The following ADAMTS16 variants were observed in gnomAD, a reference collection of about 807,000 sequenced individuals.
The protein encoded by ADAMTS16 is ADAM metallopeptidase with thrombospondin type 1 motif 16.
Under a neutral mutation model 145.8 loss-of-function variants are expected in ADAMTS16, and 94 were observed. That is an observed-to-expected ratio of 0.64 (90% CI 0.55 to 0.77). The LOEUF (loss-of-function observed/expected upper bound fraction) is 0.77. Ranked by LOEUF, ADAMTS16 falls within the 30% of genes least tolerant of loss-of-function variation. ADAMTS16 has a pLI of 0.00. For missense variants in ADAMTS16, 1,585 were observed against 1,591.5 expected, an observed-to-expected ratio of 1.00 and a Z score of 0.07; for synonymous variants, 659 against 604.3, an observed-to-expected ratio of 1.09 and a Z score of -1.33.
chr5:5,178,181 C>T (rs1178054463), intron 3 of ADAMTS16, among the ~76,000 whole-genome samples: 2 of 152,164 alleles, frequency 1.3e-5, no homozygotes, highest in African/African-American at 4.8e-5. Flanking sequence ...AACACATATT[C>T]GTTCGTTTCT....
chr5:5,182,102 T>G lies in ADAMTS16; in HGVS notation c.560T>G (p.Leu187Arg). 2 of 1,614,000 alleles carry G rather than the reference T, an allele frequency of 1.2e-6. No individual in the cohort carries two copies. The highest frequency in any genetic ancestry group is 1.7e-6 in the Non-Finnish European group (2 of 1,180,006). Reference sequence around the variant, plus strand: ...TTCCTAAGGCCACTTCCTTCACACCTCTCATGGAAACTCGGCAGAGCTGCC... The same window carrying G: ...TTCCTAAGGCCACTTCCTTCACACCGCTCATGGAAACTCGGCAGAGCTGCC... ...DYFLRPLPSH[L>R]SWKLGRAAQG... The change falls in exon 4 of 23, where the codon CTC becomes CGC. Residue 187 changes from leucine (L) to arginine (R), a missense_variant. Transcript: ENST00000274181.
intron 2 of ADAMTS16, among the ~76,000 whole-genome samples, chr5:5,141,820 CAGAT>C (rs1238714831): frequency 6.6e-6 from 1 of 152,088 alleles, no homozygotes; most frequent in East Asian, 1.9e-4. Context: ...TGACCGGTGT[CAGAT>C]TGACGCTCAC....
At chr5:5,178,036 G>A (rs1735245708) in intron 3 of ADAMTS16, among the ~76,000 whole-genome samples, 1 of 152,174 alleles carries the variant, frequency 6.6e-6, no homozygotes, top group African/African-American at 2.4e-5. Flanking sequence ...AATCTCAGCA[G>A]ATCCCAATTA....
chr5:5,311,739 T>C (rs1460419854), intron 21 of ADAMTS16, among the ~76,000 whole-genome samples: 1 of 147,136 alleles, frequency 6.8e-6, no homozygotes, highest in Admixed American at 6.8e-5. Context: ...TTTTTGGTTG[T>C]TTTTTTTTTG....
chr5:5,242,232 G>C, intron 17 of ADAMTS16, 41 bp downstream of exon 17: 1 of 1,607,534 alleles, frequency 6.2e-7, no homozygotes, highest in Non-Finnish European at 8.5e-7. Flanking sequence ...CAGCATGTCA[G>C]CCTTCAGCCA....
Position 5,282,637 on chromosome 5 carries a change from T to C in ADAMTS16, c.2789+19854T>C, listed in dbSNP as rs556139563. Among the ~76,000 whole-genome samples the C allele has an allele frequency of 3.3e-5, 5 of 152,342 alleles. No homozygotes were observed. The East Asian group carries it at 5.8e-4, about 18-fold the overall frequency. ...GGGAAAGCCCACCTCTCAACACTTG[T>C]CTTTCTTAGAAGGTTTAGGGCTCTT... On this transcript the variant is annotated intron_variant, in intron 18 of 22. Coordinates refer to ENST00000274181, the MANE Select transcript of ADAMTS16 (RefSeq NM_139056.4).
In ADAMTS16 at chr5:5,146,334, C is replaced by T. The variant is rs558198391; in HGVS notation, c.380C>T (p.Thr127Met). The stretch of plus-strand genomic sequence containing the variant: ...GTGGCTCCTGGCTTTATTGTGCAGA[C>T]GTTGGGAAAGACAGGCACTAAGTCT... The part of the protein sequence containing the change: ...SLVAPGFIVQ[T>M]LGKTGTKSVQ... The change falls in exon 3 of 23, where the codon ACG (threonine) becomes ATG (methionine). Residue 127 changes from threonine (T) to methionine (M), a missense_variant. Physicochemically the swap from Thr to Met is moderately conservative, Grantham distance 81. Around this residue, in one of 3 missense-constraint regions of ADAMTS16, gnomAD observed 453 missense variants for 412.1 expected, o/e 1.10. Transcript: ENST00000274181. 7 of 1,614,142 alleles carry T rather than the reference C, an allele frequency of 4.3e-6. No individual in the cohort carries two copies. The African/African-American group carries it at 8.0e-5, about 18-fold the overall frequency.
chr5:5,283,270 G>A (rs1435030515), intron 18 of ADAMTS16, among the ~76,000 whole-genome samples: 1 of 152,066 alleles, frequency 6.6e-6, no homozygotes, highest in Non-Finnish European at 1.5e-5. Flanking sequence ...ATATTACATT[G>A]TAATTTTTTA....
At chr5:5,186,334 G>C (rs968194816) in intron 5 of ADAMTS16, 83 bp downstream of exon 5, 1 of 1,200,780 alleles carries the variant, frequency 8.3e-7, no homozygotes, top group Admixed American at 2.0e-5. Context: ...GTGTGTGTGT[G>C]TTTCCATTTT....
In ADAMTS16 at chr5:5,146,306, C is replaced by G. The variant is rs1734295676; in HGVS notation, c.352C>G (p.Leu118Val). 4 of 1,614,180 alleles carry G rather than the reference C, an allele frequency of 2.5e-6. No homozygotes were observed. The highest frequency in any genetic ancestry group is 3.4e-6 in the Non-Finnish European group (4 of 1,180,038). ...FHMDLRTSSS[L>V]VAPGFIVQTL... ...CATGGATCTGAGGACTTCCAGCAGC[C>G]TAGTGGCTCCTGGCTTTATTGTGCA... is the stretch of plus-strand genomic sequence containing the variant. The change falls in exon 3 of 23, where the codon CTA (leucine) becomes GTA (valine). Residue 118 changes from leucine (L) to valine (V), a missense_variant. Physicochemically the swap from Leu to Val is conservative, Grantham distance 32. This residue lies in a region of ADAMTS16 where 453 missense variants were observed against 412.1 expected (regional missense o/e 1.10). Transcript: ENST00000274181.
At position 5,180,113 on chromosome 5, in the gene ADAMTS16, C is replaced by T. The variant is rs1438423718; in HGVS notation, c.502-1931C>T. Among the ~76,000 whole-genome samples, 4 of 152,094 alleles carry T rather than the reference C, an allele frequency of 2.6e-5. No homozygotes were observed. The East Asian group carries it at 7.7e-4, about 29-fold the overall frequency. On this transcript the variant is annotated intron_variant, in intron 3 of 22. Transcript: ENST00000274181. The stretch of plus-strand genomic sequence containing the variant: ...GGACATTAATGTGAGCGAACTCTCC[C>T]CGCAACTCCCAAGTAAGAATCAGAC...
rs770821021 is a variant in ADAMTS16 at position 5,222,882 on chromosome 5, A to G, written c.1699A>G (p.Met567Val). Residue 567 changes from methionine (M) to valine (V), a missense_variant and splice_region_variant, in exon 11 of 23, where the codon ATG becomes GTG. By Grantham distance (21) the Met-to-Val change is conservative. This residue lies in a region of ADAMTS16 where 298 missense variants were observed against 367.6 expected (regional missense o/e 0.81). Transcript: ENST00000274181. ...AAEGTICGHD[M>V]WCRGGQCVKY... ...AGAAGGCACAATTTGTGGGCATGAC[A>G]TGGTAAGAAGCTAACTGTAGGTACA... The G allele has an allele frequency of 1.3e-5, 21 of 1,613,982 alleles. No individual in the cohort carries two copies. The highest frequency in any genetic ancestry group is 1.1e-4 in the South Asian group (10 of 91,090).
rs867679421 is a variant in ADAMTS16, at chr5:5,165,922, C to T, written c.502-16122C>T. Reference sequence around the variant, plus strand: ...TGCCAGTGTGGCCGCCTCCTCTGCCCTTACTCAGGCAATAGCTATCCTGAA... The same window carrying T: ...TGCCAGTGTGGCCGCCTCCTCTGCCTTTACTCAGGCAATAGCTATCCTGAA... On this transcript the variant is annotated intron_variant, in intron 3 of 22. Transcript: ENST00000274181. Among the ~76,000 whole-genome samples the T allele has an allele frequency of 2.0e-5, 3 of 152,344 alleles. No individual in the cohort carries two copies. In the Middle Eastern group the frequency reaches 0.01, roughly 518 times the overall value.
intron 18 of ADAMTS16, among the ~76,000 whole-genome samples, chr5:5,264,122 T>G (rs1738140217): frequency 6.6e-6 from 1 of 152,070 alleles, no homozygotes; most frequent in African/African-American, 2.4e-5. Flanking sequence ...CCATATGTAC[T>G]ATTGGAAAGG....
intron 3 of ADAMTS16, among the ~76,000 whole-genome samples, chr5:5,159,073 A>G (rs1734677851): frequency 6.6e-6 from 1 of 152,246 alleles, no homozygotes; most frequent in Non-Finnish European, 1.5e-5. Context: ...GATAAACCAG[A>G]TAATAATCAA....
chr5:5,195,129 T>C (rs748745191), intron 8 of ADAMTS16, among the ~76,000 whole-genome samples: 8 of 152,158 alleles, frequency 5.3e-5, no homozygotes, highest in Non-Finnish European at 8.8e-5. Flanking sequence ...AACAGGTGTT[T>C]GGATTTGTGT....
intron 18 of ADAMTS16, among the ~76,000 whole-genome samples, chr5:5,264,104 C>T (rs903997961): frequency 4.6e-5 from 7 of 152,208 alleles, no homozygotes; most frequent in African/African-American, 1.2e-4. Flanking sequence ...GGATGGGGGC[C>T]GGCCAGGCCA....
At chr5:5,305,243 CAATCCCACACCACACACACA>C (rs1740049178) in intron 20 of ADAMTS16, among the ~76,000 whole-genome samples, 6 of 45,428 alleles carry the variant, frequency 1.3e-4, no homozygotes, top group African/African-American at 3.3e-4. Context: ...CACACACACA[CAATCCCACACCACACACACA>C]ATCCCACACC....
intron 3 of ADAMTS16, among the ~76,000 whole-genome samples, chr5:5,179,772 G>A (rs72724109): frequency 0.031 from 4,706 of 152,248 alleles, 126 homozygotes; most frequent in Non-Finnish European, 0.039. Flanking sequence ...CCATGGCTGT[G>A]TGGTATTTGG....
Sources: allele counts gnomAD v4.1 joint callset (sites outside exome capture counted in the v4.1 genomes callset), GRCh38; gene constraint gnomAD v4.1.1; regional missense constraint gnomAD v4.1.1; transcripts MANE v1.5; gene names NCBI Gene and HGNC (gene_info 2026-07-23, HGNC 2026-07-21).